NBEA: variants seen among roughly 807,000 people sequenced by gnomAD.
NBEA encodes the protein lysosomal-trafficking regulator 2.
In NBEA, 44 loss-of-function variants were observed where a neutral mutation model predicts 343.4. The observed-to-expected ratio is 0.13, with a 90% CI of 0.10 to 0.16. NBEA has a LOEUF of 0.16. Ranked by LOEUF, NBEA falls within the 10% of genes least tolerant of loss-of-function variation. The probability of loss-of-function intolerance (pLI) is 1.00; values close to 1 mark genes in which losing one functional copy is unlikely to be tolerated. For missense variants in NBEA, 2,555 were observed against 3,631.3 expected (o/e 0.70, Z 7.62); for synonymous variants, 1,175 against 1,238.7 (o/e 0.95, Z 1.08).
intron 13 of NBEA, among the ~76,000 whole-genome samples, chr13:35,115,503 G>A (rs2066449140): frequency 6.6e-6 from 1 of 151,438 alleles, no homozygotes; most frequent in African/African-American, 2.4e-5. Flanking sequence ...TCTTTACTTG[G>A]GTGCTTATTA....
At chr13:35,297,542 T>C (rs2036215553) in intron 35 of NBEA, among the ~76,000 whole-genome samples, 1 of 152,020 alleles carries the variant, frequency 6.6e-6, no homozygotes, top group Admixed American at 6.6e-5. Flanking sequence ...AAATCATACA[T>C]TGTTTATTTA....
chr13:34,964,721 A>G (rs142390033), intron 1 of NBEA, among the ~76,000 whole-genome samples: 9 of 152,092 alleles, frequency 5.9e-5, no homozygotes, highest in South Asian at 2.1e-4. Flanking sequence ...TTAAATGACA[A>G]TGGGCCACAA....
At chr13:35,502,026 G>C (rs538470302) in intron 41 of NBEA, among the ~76,000 whole-genome samples, 1 of 152,108 alleles carries the variant, frequency 6.6e-6, no homozygotes, top group Admixed American at 6.6e-5. Flanking sequence ...TAGGGACTGA[G>C]CCAGTGAAAC....
At chr13:35,435,171 C>T (rs149250061) in intron 39 of NBEA, among the ~76,000 whole-genome samples, 41 of 152,168 alleles carry the variant, frequency 2.7e-4, no homozygotes, top group African/African-American at 9.6e-4. Flanking sequence ...CCACCACACC[C>T]GGCTAACTCT....
intron 49 of NBEA, among the ~76,000 whole-genome samples, chr13:35,644,408 TC>T (rs2084118587): frequency 6.6e-6 from 1 of 151,926 alleles, no homozygotes; most frequent in South Asian, 2.1e-4. Flanking sequence ...CATAACATTT[TC>T]TAGTACAATG....
At chr13:35,068,163 C>T (rs1034574538) in intron 8 of NBEA, among the ~76,000 whole-genome samples, 11 of 152,098 alleles carry the variant, frequency 7.2e-5, no homozygotes, top group African/African-American at 2.6e-4. Context: ...TTTTTTTAAA[C>T]CTAAAACTTG....
At chr13:35,529,218 A>C (rs1232190971) in intron 41 of NBEA, among the ~76,000 whole-genome samples, 1 of 152,200 alleles carries the variant, frequency 6.6e-6, no homozygotes, top group Admixed American at 6.5e-5. Flanking sequence ...AGTAAGTGGC[A>C]GTTATTAGAT....
chr13:35,278,152 T>A (rs1033520293), intron 34 of NBEA, among the ~76,000 whole-genome samples: 1 of 149,088 alleles, frequency 6.7e-6, no homozygotes, highest in Admixed American at 6.7e-5. Context: ...CACACATATA[T>A]ATGCATGTAT....
At chr13:35,234,632 GTA>G (rs1376854688) in intron 34 of NBEA, among the ~76,000 whole-genome samples, 1 of 152,172 alleles carries the variant, frequency 6.6e-6, no homozygotes, top group Non-Finnish European at 1.5e-5. Context: ...GGTCAGTGAG[GTA>G]GTTGTGTATA....
chr13:35,638,680 G>C (rs553768612), intron 49 of NBEA, among the ~76,000 whole-genome samples: 2 of 152,290 alleles, frequency 1.3e-5, no homozygotes, highest in East Asian at 3.9e-4. Context: ...TTCCAGGCTT[G>C]CTCAGCCACA....
At chr13:35,471,403 G>A (rs1200775292) in intron 40 of NBEA, among the ~76,000 whole-genome samples, 1 of 152,190 alleles carries the variant, frequency 6.6e-6, no homozygotes, top group African/African-American at 2.4e-5. Context: ...CTGACTGTAT[G>A]CATTTGAGAG....
Position 35,152,641 on chromosome 13 carries a change from G to A in NBEA, c.2446-3133G>A, listed in dbSNP as rs189950586. 2.1e-4 allele frequency among the ~76,000 whole-genome samples: 32 copies of A among 152,328 alleles called. No individual in the cohort carries two copies. The East Asian group carries it at 5.8e-3, about 28-fold the overall frequency. On this transcript the variant is annotated intron_variant, in intron 18 of 58. Coordinates refer to ENST00000379939, the MANE Select transcript of NBEA (RefSeq NM_001385012.1). ...TCCATTTATAAAATGAAATTTCAAT[G>A]TGTAATGCTGGGCTCAGGTGTATCT...
rs377441510 is a variant in NBEA, at chr13:35,045,058, G to A, written c.627+11G>A. 6.3e-7 allele frequency: 1 copy of A among 1,597,406 alleles called. No individual in the cohort carries two copies. The highest frequency in any genetic ancestry group is 8.5e-7 in the Non-Finnish European group (1 of 1,170,052). On this transcript the variant is annotated intron_variant, in intron 3 of 58. Transcript: ENST00000379939. ...GAAAGTGGAATCTGGGTAAGCTGTG[G>A]TCGGAGGGAAAGGTATTCAGTATCA...
At chr13:35,607,655 T>G (rs1321667869) in intron 48 of NBEA, among the ~76,000 whole-genome samples, 4 of 152,184 alleles carry the variant, frequency 2.6e-5, no homozygotes, top group Non-Finnish European at 4.4e-5. Flanking sequence ...TCAAATAAGG[T>G]CCACACATTG....
chr13:35,092,122 A>G (rs1379963049), intron 10 of NBEA, among the ~76,000 whole-genome samples: 1 of 152,014 alleles, frequency 6.6e-6, no homozygotes, highest in African/African-American at 2.4e-5. Context: ...ACATATATGG[A>G]CAATTAATTT....
At position 35,555,004 on chromosome 13, in the gene NBEA, C is replaced by T; in HGVS notation, c.6824C>T (p.Thr2275Ile). ...LPQARRISLA[T>I]PRQLYKSSNM... is the part of the protein sequence containing the mutation. ...ATTGCTAGGAGGATATCATTGGCCA[C>T]TCCTCGACAGCTTTATAAATCTTCC... The change falls in exon 44 of 59, where the codon ACT becomes ATT. Residue 2275 changes from threonine (T) to isoleucine (I), a missense_variant. Transcript: ENST00000379939. 6.2e-7 allele frequency: 1 copy of T among 1,608,744 alleles called. No individual in the cohort carries two copies. The highest frequency in any genetic ancestry group is 1.1e-5 in the South Asian group (1 of 90,628).
At chr13:35,268,538 GA>G (rs1479904050) in intron 34 of NBEA, among the ~76,000 whole-genome samples, 2 of 151,676 alleles carry the variant, frequency 1.3e-5, no homozygotes, top group East Asian at 1.9e-4. Context: ...TAAAATATTG[GA>G]AAAAATATAC....
chr13:35,226,531 A>G (rs1287717619), intron 33 of NBEA, among the ~76,000 whole-genome samples: 1 of 152,164 alleles, frequency 6.6e-6, no homozygotes. Context: ...TCAAATATTT[A>G]AGATACAATT....
chr13:35,076,722 C>T (rs1406447853), intron 10 of NBEA, among the ~76,000 whole-genome samples: 2 of 152,014 alleles, frequency 1.3e-5, no homozygotes, highest in Non-Finnish European at 1.5e-5. Flanking sequence ...ATGGACACAT[C>T]TTCACTAAAT....
Sources: allele counts gnomAD v4.1 joint callset (sites outside exome capture counted in the v4.1 genomes callset), GRCh38; gene constraint gnomAD v4.1.1; transcripts MANE v1.5; gene names NCBI Gene and HGNC (gene_info 2026-07-23, HGNC 2026-07-21).